Variants in ADAM28 observed in about 807,000 individuals in gnomAD.
The protein encoded by ADAM28 is disintegrin and metalloproteinase domain-containing protein 28.
A neutral mutation model predicts 101.2 loss-of-function variants in ADAM28; 105 were observed. The ratio of observed to expected loss-of-function variants is 1.04; its 90% CI spans 0.89 to 1.22. ADAM28 has a LOEUF of 1.22. ADAM28 is among the 50% of genes most tolerant of loss of function. ADAM28 has a pLI of 0.00. For synonymous variants in ADAM28, 322 were observed against 310.6 expected, an observed-to-expected ratio of 1.04 and a Z score of -0.39; for missense variants, 1,028 against 945.4, an observed-to-expected ratio of 1.09 and a Z score of -1.15.
chr8:24,329,933 G>GTA, intron 10 of ADAM28, 52 bp from the exon 11 acceptor site: 1 of 1,512,588 alleles, frequency 6.6e-7, no homozygotes. Flanking sequence ...GTAGAGTGAT[G>GTA]TATAATTTCA....
chr8:24,340,805 A>G (rs1254654659), intron 15 of ADAM28: 1 of 152,222 alleles, frequency 6.6e-6, no homozygotes, highest in Non-Finnish European at 1.5e-5. Flanking sequence ...AGAGAGATCA[A>G]AAAATCTGAT....
At chr8:24,331,587 C>T (rs532834712) in intron 12 of ADAM28, among the ~76,000 whole-genome samples, 9 of 152,156 alleles carry the variant, frequency 5.9e-5, no homozygotes, top group African/African-American at 1.9e-4. Context: ...CTTGTGTCCT[C>T]GTCCCTCCCT....
In ADAM28 at chr8:24,330,051, A is replaced by G; in HGVS notation, c.1039A>G (p.Met347Val). 1.9e-6 allele frequency: 3 copies of G among 1,613,738 alleles called. No individual in the cohort carries two copies. The highest frequency in any genetic ancestry group is 2.5e-6 in the Non-Finnish European group (3 of 1,179,802). Residue 347 changes from methionine (M) to valine (V), a missense_variant, in exon 11 of 23, where the codon ATG becomes GTG. Coordinates refer to ENST00000265769, the MANE Select transcript of ADAM28 (RefSeq NM_014265.6). ...MAHEMGHNFG[M>V]FHDDYSCKCP... Reference sequence around the variant, plus strand: ...ACATGAAATGGGCCACAACTTTGGAATGTTTCATGACGACTATTCTTGCAA... The same window carrying G: ...ACATGAAATGGGCCACAACTTTGGAGTGTTTCATGACGACTATTCTTGCAA...
chr8:24,355,173 G>T lies in ADAM28; in HGVS notation c.*769G>T, dbSNP rs920991507. On this transcript the variant is annotated 3_prime_UTR_variant, in exon 23 of 23. Coordinates refer to ENST00000265769, the MANE Select transcript of ADAM28 (RefSeq NM_014265.6). ...AATGTATTGCTAATATTTAAAAATT[G>T]AGAGATCTTGCATAAACAATAGATT... 3 of 152,594 alleles carry T rather than the reference G, an allele frequency of 2.0e-5. No homozygotes were observed. The highest frequency in any genetic ancestry group is 7.2e-5 in the African/African-American group (3 of 41,548). The allele number at this position is 152,594 out of a possible 1,614,324, so 9.5% of individuals were successfully genotyped here. A position where few individuals can be genotyped will look rare whatever the true frequency, so the allele number is the denominator to read the frequency against.
intron 6 of ADAM28, among the ~76,000 whole-genome samples, chr8:24,318,701 G>T (rs1484395841): frequency 6.6e-6 from 1 of 151,928 alleles, no homozygotes; most frequent in Non-Finnish European, 1.5e-5. Context: ...TTTGGATCTA[G>T]AAATTATCCT....
chr8:24,336,054 G>A (rs1814005919), intron 14 of ADAM28: 1 of 994,838 alleles, frequency 1.0e-6, no homozygotes, highest in Non-Finnish European at 1.2e-6. Flanking sequence ...GTGTGTGTGT[G>A]TGTGTGCAGG....
Position 24,300,075 on chromosome 8 carries a change from C to G in ADAM28, c.148C>G (p.Gln50Glu). ...AAGAGAGGCCAAAGAGCCAGAGCAA[C>G]AGGTACAGCTTTTGATTTATCAAAG... is the stretch of plus-strand genomic sequence containing the variant. ...HKREAKEPEQ[Q>E]EQFETELKYK... The change falls in exon 2 of 23, where the codon CAG becomes GAG. Residue 50 changes from glutamine to glutamate, a missense_variant and splice_region_variant. Coordinates refer to ENST00000265769, the MANE Select transcript of ADAM28 (RefSeq NM_014265.6). 1 of 1,611,690 alleles carries G rather than the reference C, an allele frequency of 6.2e-7. No individual in the cohort carries two copies. Among genetic ancestry groups the G allele is most frequent in the Non-Finnish European group, 8.5e-7 (1 of 1,178,952 alleles).
rs1407559530 is a variant in ADAM28, at chr8:24,354,776, TTGATTGCAACATC to T, written c.*374_*386del. 1 of 164,184 alleles carries T rather than the reference TTGATTGCAACATC, an allele frequency of 6.1e-6. No individual in the cohort carries two copies. 10.2% of individuals were successfully genotyped at this position (164,184 alleles called of 1,614,324 possible). ...AATTGTACATCCATTAAATGTACAA[TTGATTGCAACATC>T]TTGATTGTTTTAACCATTAACTTGT... On this transcript the variant is annotated 3_prime_UTR_variant, in exon 23 of 23. Coordinates refer to ENST00000265769, the MANE Select transcript of ADAM28 (RefSeq NM_014265.6).
intron 2 of ADAM28, among the ~76,000 whole-genome samples, chr8:24,306,389 A>AATATATATATATATAT (rs1050085696): frequency 1.7e-5 from 2 of 117,412 alleles, no homozygotes; most frequent in African/African-American, 3.4e-5. Flanking sequence ...TATATATTTA[A>AATATATATATATATAT]AAATATATAT....
At position 24,348,616 on chromosome 8, in the gene ADAM28, C is replaced by A. The variant is rs117935467; in HGVS notation, c.1991-1248C>A. Among the ~76,000 whole-genome samples, 338 of 152,166 alleles carry A rather than the reference C, an allele frequency of 2.2e-3. 9 individuals carry two copies. In the East Asian group the frequency reaches 0.06, roughly 27 times the overall value. ...TAGGATGCTTTTGTTTGCTTGTTTG[C>A]AAAAAATTTAAAGATTAAAAGATTA... On this transcript the variant is annotated intron_variant, in intron 18 of 22. Coordinates refer to ENST00000265769, the MANE Select transcript of ADAM28 (RefSeq NM_014265.6).
chr8:24,307,733 A>G (rs371388542), intron 2 of ADAM28, among the ~76,000 whole-genome samples: 9 of 152,202 alleles, frequency 5.9e-5, no homozygotes, highest in African/African-American at 2.2e-4. Context: ...GACAGTAACT[A>G]TTCTTCAGAG....
intron 10 of ADAM28, among the ~76,000 whole-genome samples, chr8:24,327,567 C>A (rs1216345607): frequency 6.6e-6 from 1 of 152,060 alleles, no homozygotes; most frequent in Admixed American, 6.6e-5. Context: ...AAAAAAGAGC[C>A]TGCATAGCAA....
At chr8:24,329,209 C>T (rs1813023209) in intron 10 of ADAM28, among the ~76,000 whole-genome samples, 1 of 152,102 alleles carries the variant, frequency 6.6e-6, no homozygotes, top group East Asian at 1.9e-4. Flanking sequence ...GTATCAACTT[C>T]CCAACTTACA....
chr8:24,357,304 A>G lies in ADAM28; in HGVS notation c.*2900A>G, dbSNP rs1444240941. The G allele has an allele frequency of 6.6e-6, 1 of 152,184 alleles. No individual in the cohort carries two copies. Among genetic ancestry groups the G allele is most frequent in the Non-Finnish European group, 1.5e-5 (1 of 68,030 alleles). The allele number at this position is 152,184 out of a possible 1,614,324, so 9.4% of individuals were successfully genotyped here. A position where few individuals can be genotyped will look rare whatever the true frequency, so the allele number is the denominator to read the frequency against. On this transcript the variant is annotated 3_prime_UTR_variant, in exon 23 of 23. Coordinates refer to ENST00000265769, the MANE Select transcript of ADAM28 (RefSeq NM_014265.6). ...TTTGTTATGCAGCAATAGATAGCTG[A>G]TACAAGGAAGTAGAGAACAAACATT...
chr8:24,316,060 CCATTTATTTATTTATT>C (rs886887930), intron 6 of ADAM28, among the ~76,000 whole-genome samples: 18 of 147,836 alleles, frequency 1.2e-4, no homozygotes, highest in African/African-American at 3.9e-4. Flanking sequence ...ATCATAAAGG[CCATTTATTTATTTATT>C]TATTTATTTA....
At chr8:24,300,190 A>ATG (rs1165402710) in intron 2 of ADAM28, 113 bp downstream of exon 2, 44 of 860,878 alleles carry the variant, frequency 5.1e-5, no homozygotes, top group African/African-American at 6.9e-5. Context: ...ATGTTTATAT[A>ATG]TGTGTGTGTG....
intron 19 of ADAM28, 50 bp from the exon 20 acceptor site, chr8:24,351,182 T>C (rs762664541): frequency 2.3e-5 from 33 of 1,406,290 alleles, no homozygotes; most frequent in Non-Finnish European, 3.0e-5. Flanking sequence ...TTCCCTGTCA[T>C]GCTGAAGGAG....
intron 5 of ADAM28, 57 bp downstream of exon 5, chr8:24,311,494 C>A (rs1339252495): frequency 7.2e-7 from 1 of 1,384,614 alleles, no homozygotes; most frequent in Non-Finnish European, 1.0e-6. Context: ...ATGTATGTAT[C>A]TAACCAACCA....
At chr8:24,347,334 A>T (rs1054414276) in intron 18 of ADAM28, among the ~76,000 whole-genome samples, 1 of 152,064 alleles carries the variant, frequency 6.6e-6, no homozygotes, top group Non-Finnish European at 1.5e-5. Flanking sequence ...CTTGGGTGAT[A>T]TTGGACTGTG....
Sources: gnomAD v4.1 joint callset for allele counts (sites outside exome capture counted in the v4.1 genomes callset) on GRCh38, gnomAD v4.1.1 for gene constraint, MANE v1.5 for transcripts, NCBI Gene and HGNC (gene_info 2026-07-23, HGNC 2026-07-21) for gene names.